The following RC3H2 variants were observed in gnomAD, a reference collection of about 807,000 sequenced individuals.
RC3H2 encodes ring finger and CCCH-type domains 2, also known as roquin-2.
Under a neutral mutation model 133.3 loss-of-function variants are expected in RC3H2, and 31 were observed. That is an observed-to-expected ratio of 0.23 (90% CI 0.17 to 0.31). The LOEUF is 0.31. Among genes scored for constraint, RC3H2 ranks in the 10% least tolerant of loss-of-function variants. RC3H2 has a pLI of 1.00. For missense variants in RC3H2, 1,175 were observed against 1,437.2 expected (o/e 0.82, Z 2.95); for synonymous variants, 517 against 502.2 (o/e 1.03, Z -0.40).
At chr9:122,897,103 A>G (rs1832455437) in intron 2 of RC3H2, among the ~76,000 whole-genome samples, 176 bp downstream of exon 2, 1 of 151,876 alleles carries the variant, frequency 6.6e-6, no homozygotes, top group Non-Finnish European at 1.5e-5. Flanking sequence ...AAAAACATAA[A>G]CATAAATCAC....
chr9:122,890,132 C>T (rs1282264168), intron 4 of RC3H2, 180 bp downstream of exon 4: 6 of 630,726 alleles, frequency 9.5e-6, no homozygotes, highest in Non-Finnish European at 1.4e-5. Context: ...CAGAGTGAGA[C>T]CCTGTCTCAA....
At chr9:122,868,362 T>C (rs1218265069) in intron 9 of RC3H2, among the ~76,000 whole-genome samples, 1 of 152,152 alleles carries the variant, frequency 6.6e-6, no homozygotes, top group African/African-American at 2.4e-5. Flanking sequence ...TGGAAAGAAG[T>C]AGACATGGGA....
Position 122,845,946 on chromosome 9 carries a change from AAAG to A in RC3H2, c.*3678_*3680del, listed in dbSNP as rs1432473565. ...TGACAGTCTGCTCCAAAAATGACTCAAAGAAGATAGGGAAGAAATACTCAGATT... is the reference window on the plus strand; with the variant it reads ...TGACAGTCTGCTCCAAAAATGACTCAAAGATAGGGAAGAAATACTCAGATT... On this transcript the variant is annotated 3_prime_UTR_variant, in exon 21 of 21. Coordinates refer to ENST00000357244, the MANE Select transcript of RC3H2 (RefSeq NM_001100588.3). 6.6e-6 allele frequency: 1 copy of A among 152,226 alleles called. No individual in the cohort carries two copies. Among genetic ancestry groups the A allele is most frequent in the Admixed American group, 6.5e-5 (1 of 15,288 alleles). 9.4% of individuals were successfully genotyped at this position (152,226 alleles called of 1,614,324 possible).
At chr9:122,856,622 T>A (rs571406072) in intron 13 of RC3H2, among the ~76,000 whole-genome samples, 9 of 152,240 alleles carry the variant, frequency 5.9e-5, no homozygotes, top group Non-Finnish European at 1.0e-4. Context: ...AATTATGCAG[T>A]ATCAAAGAAC....
intron 4 of RC3H2, among the ~76,000 whole-genome samples, chr9:122,884,852 CA>C (rs984960701): frequency 0.017 from 1,587 of 94,400 alleles, 20 homozygotes; most frequent in African/African-American, 0.05. Context: ...AGTCCGTCTC[CA>C]AAAAAAAAAA....
chr9:122,858,777 T>G lies in RC3H2; in HGVS notation c.2175A>C (p.Ser725=). 1 of 1,614,268 alleles carries G rather than the reference T, an allele frequency of 6.2e-7. No individual in the cohort carries two copies. The highest frequency in any genetic ancestry group is 1.1e-5 in the South Asian group (1 of 91,090). ...CCCGCAAAGATGTCTGATAGACAGA[T>G]GAGTGCATCACATCCATTGGAGGTA... The part of the protein sequence containing the change: ...NSLPPMDVMH[S]SVYQTSLRER... The change falls in exon 12 of 21, where the codon TCA becomes TCC. Residue 725 remains serine (S), a synonymous_variant. Transcript: ENST00000357244.
Position 122,857,966 on chromosome 9 carries a change from G to A in RC3H2, c.2411C>T (p.Pro804Leu). 1.9e-6 allele frequency: 3 copies of A among 1,614,150 alleles called. No homozygotes were observed. Among genetic ancestry groups the A allele is most frequent in the Non-Finnish European group, 2.5e-6 (3 of 1,179,968 alleles). The change falls in exon 13 of 21, where the codon CCA (proline) becomes CTA (leucine). Residue 804 changes from proline (P) to leucine (L), a missense_variant. Physicochemically the swap from Pro to Leu is moderately conservative, Grantham distance 98. Coordinates refer to ENST00000357244, the MANE Select transcript of RC3H2 (RefSeq NM_001100588.3). The stretch of plus-strand genomic sequence containing the variant: ...ACTGAACAGAGGAGAAGGTGGTGTT[G>A]GTGACTGTGTTGCCACAGGAAGAGT... ...SSTLPVATQS[P>L]TPPSPLFSVD...
intron 9 of RC3H2, among the ~76,000 whole-genome samples, chr9:122,876,501 G>A (rs926593023): frequency 2.6e-5 from 4 of 151,860 alleles, no homozygotes; most frequent in Non-Finnish European, 4.4e-5. Context: ...GGTGGTGGGC[G>A]CCTGTGGTTC....
intron 10 of RC3H2, among the ~76,000 whole-genome samples, chr9:122,861,320 G>A (rs1036244864): frequency 1.3e-5 from 2 of 151,714 alleles, no homozygotes; most frequent in South Asian, 2.1e-4. Context: ...GAGATACCCC[G>A]TCTCTACTAA....
In RC3H2 at chr9:122,858,861, G is replaced by A. The variant is rs1400302432; in HGVS notation, c.2091C>T (p.Ser697=). Residue 697 remains serine (S), a synonymous_variant, in exon 12 of 21, where the codon AGC becomes AGT. Transcript: ENST00000357244. The part of the protein sequence containing the change: ...PSGMYAPVYD[S]RRIWRPPMYQ... ...ACATAGGTGGGCGCCAGATGCGCCT[G>A]CTGTCGTACACAGGAGCATACATTC... 6.2e-7 allele frequency: 1 copy of A among 1,614,282 alleles called. No individual in the cohort carries two copies.
intron 1 of RC3H2, among the ~76,000 whole-genome samples, chr9:122,898,546 T>C (rs1832518344): frequency 6.6e-6 from 1 of 152,064 alleles, no homozygotes; most frequent in Non-Finnish European, 1.5e-5. Context: ...GGTCAGGAGC[T>C]TGAGAACAGC....
chr9:122,845,206 A>T lies in RC3H2; in HGVS notation c.*4421T>A, dbSNP rs1378209792. The T allele has an allele frequency of 6.6e-6, 1 of 152,258 alleles. No individual in the cohort carries two copies. The highest frequency in any genetic ancestry group is 1.5e-5 in the Non-Finnish European group (1 of 68,046). The allele number at this position is 152,258 out of a possible 1,614,324, so 9.4% of individuals were successfully genotyped here. On this transcript the variant is annotated 3_prime_UTR_variant, in exon 21 of 21. Transcript: ENST00000357244. ...ATTTATAAAATGTAATCAATGCAAC[A>T]AGAAAAACATTTCTCTTTCACTTCC...
chr9:122,894,178 G>A (rs1396186816), intron 2 of RC3H2, among the ~76,000 whole-genome samples: 1 of 151,832 alleles, frequency 6.6e-6, no homozygotes, highest in Non-Finnish European at 1.5e-5. Context: ...AGAATGCCGT[G>A]AACCTGGGAG....
Position 122,890,438 on chromosome 9 carries a change from G to A in RC3H2, c.457C>T (p.Arg153Ter). ...CTTTCTCCAAGGGAACGAGCTGCTCGCATGGCTCTTACACGACCTTCTTCC... is the reference window on the plus strand; with the variant it reads ...CTTTCTCCAAGGGAACGAGCTGCTCACATGGCTCTTACACGACCTTCTTCC... ...VEEEGRVRAM[R>*]AARSLGERTV... Residue 153 changes from arginine (R) to a stop codon, truncating the protein, a stop_gained, in exon 4 of 21, where the codon CGA becomes TGA. Transcript: ENST00000357244. LOFTEE classifies it high-confidence loss of function. 1 of 1,614,106 alleles carries A rather than the reference G, an allele frequency of 6.2e-7. No individual in the cohort carries two copies. Among genetic ancestry groups the A allele is most frequent in the Non-Finnish European group, 8.5e-7 (1 of 1,180,018 alleles).
In RC3H2 at chr9:122,861,856, T is replaced by C. The variant is rs376932615; in HGVS notation, c.1635-1725A>G. 1.1e-4 allele frequency among the ~76,000 whole-genome samples: 16 copies of C among 152,300 alleles called. No individual in the cohort carries two copies. In the East Asian group the frequency reaches 2.9e-3, roughly 27 times the overall value. ...TAAAAAATAACTAAGGAACTGTGGG[T>C]AATAAAAGTAGGTACAAACGTAAGG... On this transcript the variant is annotated intron_variant, in intron 10 of 20. Coordinates refer to ENST00000357244, the MANE Select transcript of RC3H2 (RefSeq NM_001100588.3).
intron 20 of RC3H2, 125 bp downstream of exon 20, chr9:122,850,956 T>C (rs1052939926): frequency 2.9e-6 from 3 of 1,018,102 alleles, no homozygotes; most frequent in Middle Eastern, 2.2e-4. Flanking sequence ...AAAATCCAGA[T>C]TGACCAAATC....
chr9:122,852,625 G>A (rs1830089738), intron 18 of RC3H2, among the ~76,000 whole-genome samples: 2 of 150,868 alleles, frequency 1.3e-5, no homozygotes, highest in South Asian at 2.1e-4. Flanking sequence ...TGACCGGGAG[G>A]GAGGTGGAGG....
In RC3H2 at chr9:122,855,736, A is replaced by G; in HGVS notation, c.2597T>C (p.Leu866Ser). The change falls in exon 14 of 21, where the codon TTA becomes TCA. Residue 866 changes from leucine to serine, a missense_variant. Around this residue, in one of 8 missense-constraint regions of RC3H2, gnomAD observed 138 missense variants for 215.0 expected, o/e 0.64. Transcript: ENST00000357244. ...GCAACCCCAGCAAAATCATACCATTAACACAGCATTTGAATTAGCAATGAC... is the reference window on the plus strand; with the variant it reads ...GCAACCCCAGCAAAATCATACCATTGACACAGCATTTGAATTAGCAATGAC... ...KDVIANSNAVLMDLDSGDVKR... is the reference protein window; with the variant it reads ...KDVIANSNAVSMDLDSGDVKR... The G allele has an allele frequency of 6.2e-7, 1 of 1,612,502 alleles. No individual in the cohort carries two copies. Among genetic ancestry groups the G allele is most frequent in the Non-Finnish European group, 8.5e-7 (1 of 1,179,282 alleles).
intron 2 of RC3H2, 99 bp from the exon 3 acceptor site, chr9:122,893,125 TATC>T (rs1832259481): frequency 1.4e-6 from 2 of 1,433,736 alleles, no homozygotes; most frequent in Admixed American, 4.6e-5. Context: ...AGTATAAAAT[TATC>T]ATGCATAGAT....
Sources: gnomAD v4.1 joint callset for allele counts (sites outside exome capture counted in the v4.1 genomes callset) on GRCh38, gnomAD v4.1.1 for gene constraint, gnomAD v4.1.1 regional missense constraint, MANE v1.5 for transcripts, NCBI Gene and HGNC (gene_info 2026-07-23, HGNC 2026-07-21) for gene names.